The following SEMA3C variants were observed in gnomAD, a reference collection of about 807,000 sequenced individuals.
SEMA3C encodes the protein semaphorin-3C.
In SEMA3C, 47 loss-of-function variants were observed where a neutral mutation model predicts 89.4. The observed-to-expected ratio is 0.53, with a 90% confidence interval of 0.42 to 0.67. The LOEUF (loss-of-function observed/expected upper bound fraction) is 0.67. Among genes scored for constraint, SEMA3C ranks in the 30% least tolerant of loss-of-function variants. The pLI, the probability that SEMA3C is intolerant of heterozygous loss-of-function variation, is 0.00. For missense variants in SEMA3C, 839 were observed against 929.1 expected, an observed-to-expected ratio of 0.90 and a Z score of 1.26; for synonymous variants, 310 against 320.2, an observed-to-expected ratio of 0.97 and a Z score of 0.34.
intron 2 of SEMA3C, among the ~76,000 whole-genome samples, chr7:80,833,509 A>G (rs746939481): frequency 2.0e-5 from 3 of 152,058 alleles, no homozygotes; most frequent in Non-Finnish European, 4.4e-5. Context: ...AATCTATCGC[A>G]TTAATTCAAA....
Position 80,758,372 on chromosome 7 carries a change from C to T in SEMA3C, c.1602G>A (p.Trp534Ter). 1 of 1,613,970 alleles carries T rather than the reference C, an allele frequency of 6.2e-7. No homozygotes were observed. The highest frequency in any genetic ancestry group is 8.5e-7 in the Non-Finnish European group (1 of 1,179,978). The change falls in exon 15 of 18, where the codon TGG becomes TGA. Residue 534 changes from tryptophan to a stop codon, truncating the protein, a stop_gained. Coordinates refer to ENST00000265361, the MANE Select transcript of SEMA3C (RefSeq NM_006379.5). LOFTEE classifies it high-confidence loss of function. ...CCLARDPYCA[W>*]DGHSCSRFYP... The stretch of plus-strand genomic sequence containing the variant: ...AGAATCTGGAACAGGAATGGCCATC[C>T]CAGGCGCAATAAGGGTCCCGCGCCA...
At chr7:80,860,800 C>G (rs1790753032) in intron 2 of SEMA3C, among the ~76,000 whole-genome samples, 1 of 152,172 alleles carries the variant, frequency 6.6e-6, no homozygotes, top group Admixed American at 6.6e-5. Flanking sequence ...AGGTCCTTTT[C>G]ATAGGATACC....
chr7:80,790,778 T>C (rs115198215), intron 11 of SEMA3C, among the ~76,000 whole-genome samples: 173 of 152,304 alleles, frequency 1.1e-3, no homozygotes, highest in African/African-American at 4.0e-3. Flanking sequence ...CAGTATATTA[T>C]GTATCAGTTG....
intron 2 of SEMA3C, among the ~76,000 whole-genome samples, chr7:80,860,498 T>G (rs540078145): frequency 1.3e-5 from 2 of 152,258 alleles, no homozygotes; most frequent in Non-Finnish European, 2.9e-5. Context: ...TAGAGAAAAC[T>G]GACTTAACAT....
At chr7:80,887,733 T>C (rs1342144885) in intron 2 of SEMA3C, among the ~76,000 whole-genome samples, 2 of 152,164 alleles carry the variant, frequency 1.3e-5, no homozygotes, top group African/African-American at 4.8e-5. Context: ...ATAACTAAGA[T>C]TGGATACATA....
chr7:80,839,072 C>T (rs1248030011), intron 2 of SEMA3C, among the ~76,000 whole-genome samples: 1 of 152,112 alleles, frequency 6.6e-6, no homozygotes, highest in East Asian at 1.9e-4. Context: ...GATTCTATCT[C>T]AGGGTAGGAA....
chr7:80,903,365 T>C (rs1286881596), intron 2 of SEMA3C, among the ~76,000 whole-genome samples: 3 of 152,138 alleles, frequency 2.0e-5, no homozygotes, highest in South Asian at 4.1e-4. Flanking sequence ...AAATGTAGTA[T>C]AATAATCTTA....
chr7:80,863,924 CAT>C (rs779560690), intron 2 of SEMA3C, among the ~76,000 whole-genome samples: 5 of 121,862 alleles, frequency 4.1e-5, no homozygotes, highest in African/African-American at 7.7e-5. Flanking sequence ...ACATATATAT[CAT>C]ATATATCACA....
chr7:80,794,824 T>C (rs534077429), intron 11 of SEMA3C, among the ~76,000 whole-genome samples: 3 of 152,352 alleles, frequency 2.0e-5, no homozygotes, highest in Admixed American at 6.5e-5. Context: ...CAAAAGTGTC[T>C]TGTTTCTTCC....
intron 2 of SEMA3C, among the ~76,000 whole-genome samples, chr7:80,905,242 G>GAGGGAGAGAT: frequency 9.6e-6 from 1 of 103,658 alleles, no homozygotes; most frequent in Non-Finnish European, 1.9e-5. Flanking sequence ...GAGGGAGAGA[G>GAGGGAGAGAT]AGGGAGAGAT....
At chr7:80,907,244 C>T (rs1406527873) in intron 2 of SEMA3C, among the ~76,000 whole-genome samples, 1 of 152,036 alleles carries the variant, frequency 6.6e-6, no homozygotes, top group Non-Finnish European at 1.5e-5. Flanking sequence ...TGCATTAAAG[C>T]TGTCAAAACT....
In SEMA3C at chr7:80,818,376, G is replaced by T. The variant is rs750447339; in HGVS notation, c.370C>A (p.Arg124Ser). The change falls in exon 5 of 18, where the codon CGC becomes AGC. Residue 124 changes from arginine to serine, a missense_variant. Transcript: ENST00000265361. ...CTCCCACAGACATACAAATGTGTGC[G>T]ATTGAAAGTCTGAATTACACGGACA... ...NFVRVIQTFN[R>S]THLYVCGSGA... 1.2e-6 allele frequency: 2 copies of T among 1,613,200 alleles called. No individual in the cohort carries two copies. Among genetic ancestry groups the T allele is most frequent in the Admixed American group, 1.7e-5 (1 of 60,008 alleles).
upstream of SEMA3C, chr7:80,919,126 CT>C (rs1210734498): frequency 1.0e-6 from 1 of 984,662 alleles, no homozygotes; most frequent in Non-Finnish European, 1.2e-6. Context: ...GCGGCTCCGG[CT>C]GCCCCGGCGC....
chr7:80,797,285 C>T (rs1219537015), intron 11 of SEMA3C, among the ~76,000 whole-genome samples: 1 of 151,456 alleles, frequency 6.6e-6, no homozygotes, highest in Non-Finnish European at 1.5e-5. Context: ...TTATTATAGG[C>T]CAGATGAGAA....
intron 2 of SEMA3C, among the ~76,000 whole-genome samples, chr7:80,839,094 T>G (rs1790204943): frequency 6.6e-6 from 1 of 152,134 alleles, no homozygotes; most frequent in Non-Finnish European, 1.5e-5. Context: ...AATACACAAT[T>G]AGGGAATATC....
rs1388270100 is a variant in SEMA3C at position 80,819,939 on chromosome 7, G to A, written c.328-1521C>T. ...ATTAATAAAATGATTGTATATTAGA[G>A]ACAGCATTTTTATAAAAAACTATAA... On this transcript the variant is annotated intron_variant, in intron 4 of 17. Coordinates refer to ENST00000265361, the MANE Select transcript of SEMA3C (RefSeq NM_006379.5). Among the ~76,000 whole-genome samples the A allele has an allele frequency of 1.3e-5, 2 of 151,834 alleles. 1 individual carries two copies. Among genetic ancestry groups the A allele is most frequent in the Non-Finnish European group, 2.9e-5 (2 of 68,004 alleles).
upstream of SEMA3C, among the ~76,000 whole-genome samples, chr7:80,920,871 ATCC>A (rs1562987391): frequency 6.6e-6 from 1 of 152,202 alleles, no homozygotes; most frequent in Non-Finnish European, 1.5e-5. Context: ...CTCCACTATT[ATCC>A]TCCTTCTGAT....
intron 2 of SEMA3C, among the ~76,000 whole-genome samples, chr7:80,844,669 C>G (rs1290739669): frequency 6.6e-6 from 1 of 152,112 alleles, no homozygotes; most frequent in Admixed American, 6.6e-5. Flanking sequence ...TAATATTCCT[C>G]AGAGAGGTCA....
intron 2 of SEMA3C, among the ~76,000 whole-genome samples, chr7:80,840,966 A>G (rs1790253987): frequency 6.6e-6 from 1 of 152,134 alleles, no homozygotes; most frequent in Non-Finnish European, 1.5e-5. Context: ...GAGTAGAAAA[A>G]GTTTGCGTAG....
Sources: allele counts gnomAD v4.1 joint callset (sites outside exome capture counted in the v4.1 genomes callset), GRCh38; gene constraint gnomAD v4.1.1; transcripts MANE v1.5; gene names NCBI Gene and HGNC (gene_info 2026-07-23, HGNC 2026-07-21).